Variants in PROSER2 observed in about 807,000 individuals in gnomAD.
PROSER2 encodes proline and serine-rich protein 2.
PROSER2 carries 18 observed loss-of-function variants against 14.6 expected under a neutral mutation model. The ratio of observed to expected loss-of-function variants is 1.23; its 90% confidence interval spans 0.85 to 1.83. PROSER2 has a LOEUF of 1.83. Ranked by LOEUF, PROSER2 falls within the 40% of genes most tolerant of loss-of-function variation. PROSER2 has a pLI of 0.00. For synonymous variants in PROSER2, 367 were observed against 286.4 expected (o/e 1.28, Z -2.84); for missense variants, 823 against 629.8 (o/e 1.31, Z -3.28).
Position 11,856,373 on chromosome 10 carries a change from G to A in PROSER2, c.138+4158G>A, listed in dbSNP as rs1390130912. Among the ~76,000 whole-genome samples, 1 of 152,198 alleles carries A rather than the reference G, an allele frequency of 6.6e-6. No homozygotes were observed. The highest frequency in any genetic ancestry group is 1.5e-5 in the Non-Finnish European group (1 of 68,026). The stretch of plus-strand genomic sequence containing the variant: ...ACCAGCGTTCCCAGGCTCTCACTCT[G>A]AATGAGGTCCTGAAGTCGGGTCTGC... On this transcript the variant is annotated intron_variant, in intron 2 of 3. Coordinates refer to ENST00000277570, the MANE Select transcript of PROSER2 (RefSeq NM_153256.4). This position sits in a 1 kb window ranked among gnomAD's most constrained non-coding sequence, Gnocchi z 5.3.
chr10:11,846,604 G>C (rs959454143), intron 1 of PROSER2, among the ~76,000 whole-genome samples: 3 of 152,028 alleles, frequency 2.0e-5, no homozygotes, highest in Non-Finnish European at 1.5e-5. Flanking sequence ...TTTTTAGGTC[G>C]ATAGCATTTC....
At position 11,851,966 on chromosome 10, in the gene PROSER2, G is replaced by A. The variant is rs1015706834; in HGVS notation, c.-81-31G>A. The A allele has an allele frequency of 1.7e-5, 20 of 1,181,556 alleles. No individual in the cohort carries two copies. The African/African-American group carries it at 3.1e-4, about 18-fold the overall frequency. 73.2% of individuals were successfully genotyped at this position (1,181,556 alleles called of 1,614,324 possible). A position where few individuals can be genotyped will look rare whatever the true frequency, so the allele number is the denominator to read the frequency against. Reference sequence around the variant, plus strand: ...AGGCGTTTTACAGTCTCGGCTTACTGACCATTGTCATTCGTGTTTGGTGTC... The same window carrying A: ...AGGCGTTTTACAGTCTCGGCTTACTAACCATTGTCATTCGTGTTTGGTGTC... On this transcript the variant is annotated intron_variant, in intron 1 of 3. Coordinates refer to ENST00000277570, the MANE Select transcript of PROSER2 (RefSeq NM_153256.4).
At position 11,823,659 on chromosome 10, in the gene PROSER2, C is replaced by G. The variant is rs993511688; in HGVS notation, c.-82+189C>G. 3.3e-5 allele frequency among the ~76,000 whole-genome samples: 5 copies of G among 151,970 alleles called. No individual in the cohort carries two copies. Among genetic ancestry groups the G allele is most frequent in the Non-Finnish European group, 7.4e-5 (5 of 67,940 alleles). ...CCGCCGCCGCAGAGGCCACCCGGTG[C>G]CCGACCCCCGACCCCGGGGCGTCGC... On this transcript the variant is annotated intron_variant, in intron 1 of 3. Transcript: ENST00000277570. This position sits in a 1 kb window ranked among gnomAD's most constrained non-coding sequence, Gnocchi z 6.2.
intron 1 of PROSER2, among the ~76,000 whole-genome samples, chr10:11,840,233 G>A (rs955205793): frequency 6.0e-5 from 9 of 150,762 alleles, no homozygotes; most frequent in Non-Finnish European, 1.2e-4. Context: ...GATTATAGGT[G>A]TGAGCCACCA....
rs545589940 is a variant in PROSER2, at chr10:11,853,211, G to A, written c.138+996G>A. Among the ~76,000 whole-genome samples the A allele has an allele frequency of 9.0e-4, 137 of 152,296 alleles. 1 individual carries two copies. The highest frequency in any genetic ancestry group is 3.4e-3 in the Middle Eastern group (1 of 294). On this transcript the variant is annotated intron_variant, in intron 2 of 3. Coordinates refer to ENST00000277570, the MANE Select transcript of PROSER2 (RefSeq NM_153256.4). ...TGAAGCTAGATATACTTGGTATGGGGTAGTTATTAGTAATGACAGAATTTT... is the reference window on the plus strand; with the variant it reads ...TGAAGCTAGATATACTTGGTATGGGATAGTTATTAGTAATGACAGAATTTT...
rs929885083 is a variant in PROSER2 at position 11,869,948 on chromosome 10, C to T, written c.850C>T (p.Gln284Ter). 9 of 1,487,864 alleles carry T rather than the reference C, an allele frequency of 6.0e-6. No homozygotes were observed. Among genetic ancestry groups the T allele is most frequent in the African/African-American group, 5.9e-5 (4 of 68,146 alleles). The allele number at this position is 1,487,864 out of a possible 1,614,324, so 92.2% of individuals were successfully genotyped here. The change falls in exon 4 of 4, where the codon CAG becomes TAG. Residue 284 changes from glutamine (Q) to a stop codon, truncating the protein, a stop_gained. Transcript: ENST00000277570. LOFTEE classifies it low-confidence loss of function (END_TRUNC). The surrounding 1 kb of genome is among the most constrained non-coding windows in gnomAD (Gnocchi z 4.4). ...CGTCAGCGTGCAGGAGCGCAGGGCGCAGGTGTTGGCCACCATCCACGGCCA... is the reference window on the plus strand; with the variant it reads ...CGTCAGCGTGCAGGAGCGCAGGGCGTAGGTGTTGGCCACCATCCACGGCCA... ...AAVSVQERRA[Q>*]VLATIHGHAG...
intron 1 of PROSER2, among the ~76,000 whole-genome samples, chr10:11,835,912 A>G (rs1026379303): frequency 3.9e-5 from 6 of 152,188 alleles, no homozygotes; most frequent in Non-Finnish European, 8.8e-5. Flanking sequence ...GGGGTGATTC[A>G]GAAAGAGTTC....
chr10:11,843,249 T>A (rs528157266), intron 1 of PROSER2, among the ~76,000 whole-genome samples: 316 of 149,952 alleles, frequency 2.1e-3, no homozygotes, highest in African/African-American at 7.2e-3. Flanking sequence ...CTTGCCATTG[T>A]TCCTGAAAGA....
chr10:11,857,573 C>A (rs148941885), intron 2 of PROSER2, among the ~76,000 whole-genome samples: 1 of 151,844 alleles, frequency 6.6e-6, no homozygotes, highest in East Asian at 1.9e-4. Flanking sequence ...GGTGAAACTC[C>A]GTCTCTACGA....
At chr10:11,841,601 T>TA (rs1197683392) in intron 1 of PROSER2, among the ~76,000 whole-genome samples, 9 of 152,230 alleles carry the variant, frequency 5.9e-5, no homozygotes, top group African/African-American at 2.2e-4. Flanking sequence ...GTTATTTACT[T>TA]ACGAGTATTT....
At chr10:11,848,736 T>C (rs1257445132) in intron 1 of PROSER2, among the ~76,000 whole-genome samples, 2 of 152,240 alleles carry the variant, frequency 1.3e-5, no homozygotes, top group Non-Finnish European at 2.9e-5. Flanking sequence ...TCTACCTGTT[T>C]TGCAACCCGT....
At chr10:11,852,301 C>A in intron 2 of PROSER2, 86 bp downstream of exon 2, 1 of 1,420,418 alleles carries the variant, frequency 7.0e-7, no homozygotes, top group Non-Finnish European at 9.4e-7. Context: ...GAATATTTTA[C>A]CAGATCTTTT....
intron 2 of PROSER2, among the ~76,000 whole-genome samples, chr10:11,855,811 G>A (rs144761340): frequency 6.6e-6 from 1 of 152,286 alleles, no homozygotes; most frequent in Non-Finnish European, 1.5e-5. Flanking sequence ...AGTTTTTAAA[G>A]TTAAAATAGC....
chr10:11,842,032 G>C (rs547312574), intron 1 of PROSER2, among the ~76,000 whole-genome samples: 1 of 152,246 alleles, frequency 6.6e-6, no homozygotes, highest in East Asian at 1.9e-4. Context: ...AGACCAGCCT[G>C]GGCAACATGT....
chr10:11,866,838 C>T lies in PROSER2; in HGVS notation c.391+55C>T, dbSNP rs1834358846. The T allele has an allele frequency of 5.1e-6, 8 of 1,558,094 alleles. No individual in the cohort carries two copies. Among genetic ancestry groups the T allele is most frequent in the Admixed American group, 1.8e-5 (1 of 54,236 alleles). ...TGTGGTTTCCTGGTGTCTGTGAGAC[C>T]CAGAGATACTTCTTTTGTGTTCCCC... On this transcript the variant is annotated intron_variant, in intron 3 of 3. Coordinates refer to ENST00000277570, the MANE Select transcript of PROSER2 (RefSeq NM_153256.4). The surrounding 1 kb of genome is among the most constrained non-coding windows in gnomAD (Gnocchi z 6.0).
chr10:11,862,250 C>T lies in PROSER2; in HGVS notation c.139-4281C>T, dbSNP rs1834258527. On this transcript the variant is annotated intron_variant, in intron 2 of 3. Transcript: ENST00000277570. The surrounding 1 kb of genome is among the most constrained non-coding windows in gnomAD (Gnocchi z 4.2). ...ATGCAAATCCCGCTTAAAGTCACCA[C>T]AGGGGCATGCGTGTGTTTATGTGAA... Among the ~76,000 whole-genome samples the T allele has an allele frequency of 6.6e-6, 1 of 152,206 alleles. No individual in the cohort carries two copies.
Position 11,848,412 on chromosome 10 carries a change from A to G in PROSER2, c.-81-3585A>G, listed in dbSNP as rs143312989. Among the ~76,000 whole-genome samples, 283 of 152,176 alleles carry G rather than the reference A, an allele frequency of 1.9e-3. 1 individual carries two copies. The highest frequency in any genetic ancestry group is 6.1e-3 in the African/African-American group (254 of 41,524). The stretch of plus-strand genomic sequence containing the variant: ...TCGAACTCCTGACCTCAGGTGATCC[A>G]CCCACCTTGGCCTCCCAAAGTGCAG... On this transcript the variant is annotated intron_variant, in intron 1 of 3. Coordinates refer to ENST00000277570, the MANE Select transcript of PROSER2 (RefSeq NM_153256.4).
chr10:11,847,030 G>C (rs1367226563), intron 1 of PROSER2, among the ~76,000 whole-genome samples: 7 of 151,722 alleles, frequency 4.6e-5, no homozygotes, highest in African/African-American at 1.7e-4. Context: ...GGGGTTACAG[G>C]CGTGAGCCAC....
intron 1 of PROSER2, among the ~76,000 whole-genome samples, chr10:11,843,071 G>C (rs934560263): frequency 1.3e-5 from 2 of 149,712 alleles, no homozygotes; most frequent in Non-Finnish European, 3.0e-5. Context: ...CTCCCGAGTA[G>C]CTGGGATTAC....
Sources: allele counts gnomAD v4.1 joint callset (sites outside exome capture counted in the v4.1 genomes callset), GRCh38; gene constraint gnomAD v4.1.1; non-coding constraint Gnocchi (gnomAD v3.1); transcripts MANE v1.5; gene names NCBI Gene and HGNC (gene_info 2026-07-23, HGNC 2026-07-21).